The following FAT4 variants were observed in gnomAD, a reference collection of about 807,000 sequenced individuals.
The protein encoded by FAT4 is protocadherin Fat 4.
A neutral mutation model predicts 303.9 loss-of-function variants in FAT4; 84 were observed. The ratio of observed to expected loss-of-function variants is 0.28; its 90% confidence interval spans 0.23 to 0.33. The LOEUF (loss-of-function observed/expected upper bound fraction) is 0.33. Among genes scored for constraint, FAT4 ranks in the 10% least tolerant of loss-of-function variants. FAT4 has a pLI of 1.00. For synonymous variants in FAT4, 2,307 were observed against 2,298.8 expected (o/e 1.00, Z -0.10); for missense variants, 6,005 against 6,146.8 (o/e 0.98, Z 0.77).
At chr4:125,330,901 C>CT (rs571480766) in intron 2 of FAT4, among the ~76,000 whole-genome samples, 2 of 152,196 alleles carry the variant, frequency 1.3e-5, no homozygotes, top group South Asian at 4.1e-4. Context: ...GTTTGGACCT[C>CT]TTTTTTCCTG....
In FAT4 at chr4:125,317,070, T is replaced by C. The variant is rs1478503201; in HGVS notation, c.659T>C (p.Val220Ala). The change falls in exon 2 of 18, where the codon GTT (valine) becomes GCT (alanine). Residue 220 changes from valine to alanine, a missense_variant. Val to Ala is a moderately conservative substitution (Grantham distance 64). Transcript: ENST00000394329. The surrounding 1 kb of genome is among the most constrained non-coding windows in gnomAD (Gnocchi z 7.0). ...GTCACTCCGCAGTACCAGCTCCTGG[T>C]TGAGGTGGAGGACAAGGGTGAGCCT... ...REVTPQYQLL[V>A]EVEDKGEPKR... is the part of the protein sequence containing the mutation. 32 of 1,613,870 alleles carry C rather than the reference T, an allele frequency of 2.0e-5. No individual in the cohort carries two copies. Among genetic ancestry groups the C allele is most frequent in the Non-Finnish European group, 2.6e-5 (31 of 1,179,992 alleles).
Position 125,451,035 on chromosome 4 carries a change from A to G in FAT4, c.10025A>G (p.Asn3342Ser), listed in dbSNP as rs780426651. ...GAGGTACACTATTTGATTTTTGGTAATAGTCGAAAGAAGGGTTTCCAGATC... is the reference window on the plus strand; with the variant it reads ...GAGGTACACTATTTGATTTTTGGTAGTAGTCGAAAGAAGGGTTTCCAGATC... Reference protein sequence around the residue: ...DGEVHYLIFGNSRKKGFQINK... With the variant: ...DGEVHYLIFGSSRKKGFQINK... Residue 3342 changes from asparagine to serine, a missense_variant, in exon 10 of 18, where the codon AAT becomes AGT. Coordinates refer to ENST00000394329, the MANE Select transcript of FAT4 (RefSeq NM_001291303.3). The G allele has an allele frequency of 1.7e-5, 28 of 1,613,920 alleles. No homozygotes were observed. Among genetic ancestry groups the G allele is most frequent in the South Asian group, 1.1e-4 (10 of 91,084 alleles).
At chr4:125,418,911 A>G (rs1413132110) in intron 7 of FAT4, among the ~76,000 whole-genome samples, 1 of 134,702 alleles carries the variant, frequency 7.4e-6, no homozygotes. Flanking sequence ...AAATAAAATA[A>G]TGTTTTAAAT....
rs1479758878 is a variant in FAT4, at chr4:125,490,374, C to T, written c.13558C>T (p.Leu4520Phe). ...IVGSCATVLA[L>F]LVLSLILCNQ... Reference sequence around the variant, plus strand: ...GGGCAGCTGCGCAACCGTCTTGGCCCTCCTGGTCCTTAGCCTGATCCTGTG... The same window carrying T: ...GGGCAGCTGCGCAACCGTCTTGGCCTTCCTGGTCCTTAGCCTGATCCTGTG... Residue 4520 changes from leucine to phenylalanine, a missense_variant, in exon 18 of 18, where the codon CTC becomes TTC. Transcript: ENST00000394329. The T allele has an allele frequency of 3.1e-6, 5 of 1,614,012 alleles. No individual in the cohort carries two copies. Among genetic ancestry groups the T allele is most frequent in the Non-Finnish European group, 2.5e-6 (3 of 1,180,048 alleles).
At chr4:125,486,226 T>A (rs1217546805) in intron 16 of FAT4, among the ~76,000 whole-genome samples, 1 of 151,872 alleles carries the variant, frequency 6.6e-6, no homozygotes, top group African/African-American at 2.4e-5. Context: ...GTTGCCCATT[T>A]GATGAAATGT....
intron 2 of FAT4, among the ~76,000 whole-genome samples, chr4:125,363,100 A>G (rs1732732638): frequency 6.6e-6 from 1 of 152,174 alleles, no homozygotes. Context: ...GACTGAAATT[A>G]TCAAATCATT....
intron 4 of FAT4, 114 bp downstream of exon 4, chr4:125,407,255 T>C (rs1200025789): frequency 4.9e-5 from 44 of 905,832 alleles, no homozygotes; most frequent in Non-Finnish European, 1.7e-6. Context: ...ATACTACTAG[T>C]TATAAAAATA....
chr4:125,321,661 A>G (rs1158355755), intron 2 of FAT4, 75 bp downstream of exon 2: 12 of 1,367,806 alleles, frequency 8.8e-6, no homozygotes, highest in Admixed American at 2.5e-5. Flanking sequence ...TTTACTCTCT[A>G]TAATTGTTTA....
rs753998777 is a variant in FAT4 at position 125,468,772 on chromosome 4, G to T, written c.12166G>T (p.Val4056Leu). The T allele has an allele frequency of 3.5e-5, 56 of 1,613,668 alleles. No individual in the cohort carries two copies. The highest frequency in any genetic ancestry group is 4.3e-5 in the Non-Finnish European group (51 of 1,179,762). Residue 4056 changes from valine (V) to leucine (L), a missense_variant, in exon 12 of 18, where the codon GTG (valine) becomes TTG (leucine). Coordinates refer to ENST00000394329, the MANE Select transcript of FAT4 (RefSeq NM_001291303.3). ...ATATAAGCTCACCACCATGAAGAAG[G>T]TGTCAGATGGACATTTTCACACTGT... is the stretch of plus-strand genomic sequence containing the variant. ...GTYKLTTMKK[V>L]SDGHFHTVIA...
rs1734563491 is a variant in FAT4 at position 125,405,522 on chromosome 4, T to A, written c.5308-1358T>A. Among the ~76,000 whole-genome samples, 3 of 152,208 alleles carry A rather than the reference T, an allele frequency of 2.0e-5. No individual in the cohort carries two copies. The South Asian group carries it at 6.2e-4, about 32-fold the overall frequency. ...TTTTTATATACTTGTTGGCCTTTTTTTTTTTGAGACAAGAGTCTCGCTCTG... is the reference window on the plus strand; with the variant it reads ...TTTTTATATACTTGTTGGCCTTTTTATTTTTGAGACAAGAGTCTCGCTCTG... On this transcript the variant is annotated intron_variant, in intron 3 of 17. Coordinates refer to ENST00000394329, the MANE Select transcript of FAT4 (RefSeq NM_001291303.3).
intron 2 of FAT4, chr4:125,394,049 G>A (rs1273652393): frequency 7.8e-6 from 6 of 769,318 alleles, no homozygotes; most frequent in Non-Finnish European, 1.5e-5. Context: ...TCTAATTGTA[G>A]CAGATGAAAC....
intron 11 of FAT4, among the ~76,000 whole-genome samples, chr4:125,464,668 C>G (rs769473774): frequency 6.6e-6 from 1 of 152,134 alleles, no homozygotes; most frequent in Non-Finnish European, 1.5e-5. Flanking sequence ...TCCCTCCCCC[C>G]TTCCCCACCC....
At chr4:125,401,026 C>A (rs1734368684) in intron 3 of FAT4, among the ~76,000 whole-genome samples, 1 of 151,774 alleles carries the variant, frequency 6.6e-6, no homozygotes, top group African/African-American at 2.4e-5. Flanking sequence ...TGTAGAAAGG[C>A]AGAGAGGATG....
Position 125,476,204 on chromosome 4 carries a change from A to C in FAT4, c.12247A>C (p.Asn4083His). ...ASLTVDSCSENQEPGYCTVSN... is the reference protein window; with the variant it reads ...ASLTVDSCSEHQEPGYCTVSN... ...CTTAACTGTGGACTCCTGTTCTGAG[A>C]ACCAAGAGCCAGGATATTGTACTGT... The change falls in exon 13 of 18, where the codon AAC (asparagine) becomes CAC (histidine). Residue 4083 changes from asparagine (N) to histidine (H), a missense_variant. Asn to His is a moderately conservative substitution (Grantham distance 68). Transcript: ENST00000394329. 6.2e-7 allele frequency: 1 copy of C among 1,603,480 alleles called. No homozygotes were observed. Among genetic ancestry groups the C allele is most frequent in the Non-Finnish European group, 8.5e-7 (1 of 1,172,882 alleles).
intron 2 of FAT4, among the ~76,000 whole-genome samples, chr4:125,337,973 A>G (rs1731638661): frequency 6.6e-6 from 1 of 152,132 alleles, no homozygotes; most frequent in African/African-American, 2.4e-5. Context: ...AAATGCACCC[A>G]TGATACTCAC....
chr4:125,391,838 T>A (rs1408565631), intron 2 of FAT4, among the ~76,000 whole-genome samples: 1 of 152,148 alleles, frequency 6.6e-6, no homozygotes, highest in Non-Finnish European at 1.5e-5. Context: ...GATTAATACA[T>A]CTTTATATGC....
chr4:125,439,967 C>G, intron 8 of FAT4, among the ~76,000 whole-genome samples: 1 of 152,168 alleles, frequency 6.6e-6, no homozygotes, highest in East Asian at 1.9e-4. Flanking sequence ...TAACCACCTA[C>G]TATGTATCAA....
In FAT4 at chr4:125,343,286, C is replaced by T. The variant is rs75999310; in HGVS notation, c.5175+21700C>T. Among the ~76,000 whole-genome samples the T allele has an allele frequency of 2.9e-4, 44 of 152,178 alleles. 1 individual carries two copies. In the East Asian group the frequency reaches 7.7e-3, roughly 27 times the overall value. ...GCAAGTCAGTGTATTAACCTAGTTACGTTAAACCATATCTCTGCTATTTTA... is the reference window on the plus strand; with the variant it reads ...GCAAGTCAGTGTATTAACCTAGTTATGTTAAACCATATCTCTGCTATTTTA... On this transcript the variant is annotated intron_variant, in intron 2 of 17. Coordinates refer to ENST00000394329, the MANE Select transcript of FAT4 (RefSeq NM_001291303.3).
intron 2 of FAT4, among the ~76,000 whole-genome samples, chr4:125,390,588 T>G (rs1733941829): frequency 6.6e-6 from 1 of 152,232 alleles, no homozygotes; most frequent in African/African-American, 2.4e-5. Context: ...GAGTTTTTCC[T>G]TGCTTAATTT....
Sources: gnomAD v4.1 joint callset for allele counts (sites outside exome capture counted in the v4.1 genomes callset) on GRCh38, gnomAD v4.1.1 for gene constraint, Gnocchi (gnomAD v3.1) non-coding constraint, MANE v1.5 for transcripts, NCBI Gene and HGNC (gene_info 2026-07-23, HGNC 2026-07-21) for gene names.